OMA1: variants seen among roughly 807,000 people sequenced by gnomAD.
OMA1 encodes metalloendopeptidase OMA1, mitochondrial.
A neutral mutation model predicts 30.9 loss-of-function variants in OMA1; 38 were observed. That is an observed-to-expected ratio of 1.23 (90% CI 0.95 to 1.61). The LOEUF (loss-of-function observed/expected upper bound fraction) is 1.61, where lower values mean the gene tolerates loss of function less well. OMA1 is among the 40% of genes most tolerant of loss of function. The pLI is 0.00. For missense variants in OMA1, 461 were observed against 349.2 expected (o/e 1.32, Z -2.55); for synonymous variants, 173 against 121.9 (o/e 1.42, Z -2.76).
intron 7 of OMA1, among the ~76,000 whole-genome samples, chr1:58,506,616 T>C (rs1645994572): frequency 6.6e-6 from 1 of 152,214 alleles, no homozygotes; most frequent in South Asian, 2.1e-4. Flanking sequence ...CTATTTTCAG[T>C]ATGATGGATA....
chr1:58,536,451 A>C, intron 3 of OMA1, 62 bp downstream of exon 3: 1 of 744,848 alleles, frequency 1.3e-6, no homozygotes. Context: ...CACATTTAAG[A>C]TACTTTCCTA....
chr1:58,497,551 A>G (rs1296369289), intron 8 of OMA1, among the ~76,000 whole-genome samples: 2 of 152,196 alleles, frequency 1.3e-5, no homozygotes, highest in East Asian at 3.8e-4. Context: ...CCTCTTTAGC[A>G]TAAGAGTTAT....
At chr1:58,517,239 C>A (rs942951837) in intron 7 of OMA1, among the ~76,000 whole-genome samples, 9 of 152,176 alleles carry the variant, frequency 5.9e-5, no homozygotes, top group African/African-American at 1.9e-4. Flanking sequence ...GACCCCTATG[C>A]TAGACAAGGT....
intron 8 of OMA1, among the ~76,000 whole-genome samples, chr1:58,497,512 G>A (rs1165995352): frequency 1.3e-5 from 2 of 152,106 alleles, no homozygotes; most frequent in Non-Finnish European, 2.9e-5. Flanking sequence ...TAAGACTCCA[G>A]GAGACCAGAC....
At chr1:58,490,346 T>C (rs1210006885) in intron 8 of OMA1, among the ~76,000 whole-genome samples, 2 of 151,966 alleles carry the variant, frequency 1.3e-5, no homozygotes, top group South Asian at 2.1e-4. Context: ...GTATCAGTGA[T>C]GGAAGATGAA....
chr1:58,483,330 G>C (rs1645521249), intron 8 of OMA1, among the ~76,000 whole-genome samples: 1 of 152,128 alleles, frequency 6.6e-6, no homozygotes, highest in Admixed American at 6.6e-5. Context: ...ACAGGTTCTT[G>C]TATGCTAACA....
intron 8 of OMA1, among the ~76,000 whole-genome samples, chr1:58,499,505 G>GATAGATAGATAA (rs1431080645): frequency 7.0e-6 from 1 of 143,524 alleles, no homozygotes; most frequent in Admixed American, 7.0e-5. Flanking sequence ...TAGATAGATA[G>GATAGATAGATAA]ATAAATAGAT....
rs753468868 is a variant in OMA1 at position 58,534,285 on chromosome 1, C to T, written c.776G>A (p.Arg259Gln). Residue 259 changes from arginine (R) to glutamine (Q), a missense_variant, in exon 4 of 9, where the codon CGA (arginine) becomes CAA (glutamine). Physicochemically the swap from Arg to Gln is conservative, Grantham distance 43. Transcript: ENST00000371226. ...KNDMLTEKDA[R>Q]YLAVKEVLCH... The stretch of plus-strand genomic sequence containing the variant: ...AAGCACTTCTTTAACAGCCAGGTAT[C>T]GGGCATCTTTCTCAGTTAGCATATC... The T allele has an allele frequency of 1.5e-5, 13 of 868,304 alleles. No individual in the cohort carries two copies. Among genetic ancestry groups the T allele is most frequent in the Admixed American group, 3.5e-5 (2 of 57,748 alleles). 53.8% of individuals were successfully genotyped at this position (868,304 alleles called of 1,614,324 possible). A position where few individuals can be genotyped will look rare whatever the true frequency, so the allele number is the denominator to read the frequency against.
At chr1:58,511,797 G>C (rs964541298) in intron 7 of OMA1, among the ~76,000 whole-genome samples, 7 of 152,084 alleles carry the variant, frequency 4.6e-5, no homozygotes, top group African/African-American at 1.7e-4. Context: ...TTAAACGTAA[G>C]ACCTAAAACT....
intron 6 of OMA1, among the ~76,000 whole-genome samples, chr1:58,530,082 C>G (rs1422889315): frequency 6.6e-6 from 1 of 152,100 alleles, no homozygotes; most frequent in Admixed American, 6.6e-5. Context: ...AGGGTTTCAC[C>G]ACGTTAGCCA....
intron 5 of OMA1, among the ~76,000 whole-genome samples, chr1:58,533,613 A>G (rs1363186691): frequency 6.6e-6 from 1 of 152,214 alleles, no homozygotes; most frequent in African/African-American, 2.4e-5. Flanking sequence ...CTTCCCTACA[A>G]TTAATTTTCT....
intron 7 of OMA1, among the ~76,000 whole-genome samples, chr1:58,514,213 A>C (rs1240673602): frequency 6.6e-6 from 1 of 152,226 alleles, no homozygotes; most frequent in Non-Finnish European, 1.5e-5. Flanking sequence ...AATGTATATG[A>C]ATATGCATTA....
chr1:58,529,390 A>G (rs1447046303), intron 6 of OMA1, among the ~76,000 whole-genome samples: 1 of 152,254 alleles, frequency 6.6e-6, no homozygotes, highest in Non-Finnish European at 1.5e-5. Context: ...ATTATGGTTA[A>G]CAAAGTAGTT....
intron 8 of OMA1, among the ~76,000 whole-genome samples, chr1:58,499,691 T>A (rs1645871108): frequency 6.6e-6 from 1 of 152,130 alleles, no homozygotes; most frequent in Non-Finnish European, 1.5e-5. Context: ...GTGATTAATA[T>A]CTTAGTTGGT....
At chr1:58,542,332 T>C (rs148354642) in intron 1 of OMA1, among the ~76,000 whole-genome samples, 1 of 152,336 alleles carries the variant, frequency 6.6e-6, no homozygotes, top group East Asian at 1.9e-4. Context: ...GAGTAGCTAG[T>C]AAGGTTTTCA....
intron 8 of OMA1, among the ~76,000 whole-genome samples, chr1:58,495,458 C>A (rs1027172454): frequency 1.3e-5 from 2 of 151,816 alleles, no homozygotes; most frequent in African/African-American, 4.8e-5. Flanking sequence ...GATTTAGTTT[C>A]TCATGCCACT....
intron 3 of OMA1, 81 bp downstream of exon 3, chr1:58,536,432 C>A: frequency 1.4e-6 from 1 of 694,128 alleles, no homozygotes. Context: ...TAAAAAACAA[C>A]ATATCTTTCA....
chr1:58,527,729 T>A (rs971791365), intron 6 of OMA1, among the ~76,000 whole-genome samples: 4 of 152,170 alleles, frequency 2.6e-5, no homozygotes, highest in Non-Finnish European at 5.9e-5. Flanking sequence ...AACGTAGGCA[T>A]ATAATATCCA....
chr1:58,511,402 G>C (rs905350367), intron 7 of OMA1, among the ~76,000 whole-genome samples: 6 of 152,054 alleles, frequency 3.9e-5, no homozygotes, highest in Non-Finnish European at 5.9e-5. Context: ...GATCCCAGCA[G>C]TTTGGGAGGC....
Sources: allele counts gnomAD v4.1 joint callset (sites outside exome capture counted in the v4.1 genomes callset), GRCh38; gene constraint gnomAD v4.1.1; transcripts MANE v1.5; gene names NCBI Gene and HGNC (gene_info 2026-07-23, HGNC 2026-07-21).